MAD1L1: variants seen among roughly 807,000 people sequenced by gnomAD.
MAD1L1 encodes the protein mitotic spindle assembly checkpoint protein MAD1.
MAD1L1 carries 95 observed loss-of-function variants against 96.9 expected under a neutral mutation model. The observed-to-expected ratio is 0.98, with a 90% CI of 0.83 to 1.16. The LOEUF is 1.16. Ranked by LOEUF, MAD1L1 falls within the 50% of genes most tolerant of loss-of-function variation. The pLI is 0.00. For missense variants in MAD1L1, 1,007 were observed against 954.4 expected (o/e 1.06, Z -0.73); for synonymous variants, 473 against 396.6 (o/e 1.19, Z -2.29).
intron 11 of MAD1L1, among the ~76,000 whole-genome samples, chr7:2,102,533 TCAC>T (rs1486101020): frequency 1.4e-5 from 2 of 143,256 alleles, no homozygotes; most frequent in Admixed American, 6.8e-5. Context: ...CACGTCACCA[TCAC>T]CACCACCGTC....
chr7:2,083,846 A>G (rs1785776437), intron 11 of MAD1L1, among the ~76,000 whole-genome samples: 1 of 152,242 alleles, frequency 6.6e-6, no homozygotes, highest in Non-Finnish European at 1.5e-5. Flanking sequence ...CTGGTTGGTC[A>G]CTGTGAGTGT....
intron 17 of MAD1L1, among the ~76,000 whole-genome samples, chr7:1,929,297 C>A (rs1310350636): frequency 6.6e-6 from 1 of 152,202 alleles, no homozygotes; most frequent in Non-Finnish European, 1.5e-5. Context: ...CCCACACAGG[C>A]AGTGACAAAT....
At chr7:2,006,370 A>G (rs899649938) in intron 13 of MAD1L1, among the ~76,000 whole-genome samples, 1 of 152,184 alleles carries the variant, frequency 6.6e-6, no homozygotes, top group African/African-American at 2.4e-5. Flanking sequence ...TGTCAGCCAC[A>G]ATGCGTGCCT....
chr7:1,823,491 C>A (rs189116138), intron 18 of MAD1L1, among the ~76,000 whole-genome samples: 3 of 152,312 alleles, frequency 2.0e-5, no homozygotes, highest in Admixed American at 1.3e-4. Context: ...CGTCTCCCTG[C>A]CCATCTCTCC....
At chr7:1,822,869 T>C (rs1413299808) in intron 18 of MAD1L1, among the ~76,000 whole-genome samples, 5 of 151,976 alleles carry the variant, frequency 3.3e-5, no homozygotes, top group Admixed American at 2.0e-4. Context: ...ATACGGCTCC[T>C]ACGTCAGACA....
At chr7:1,869,459 G>A (rs1164118451) in intron 18 of MAD1L1, among the ~76,000 whole-genome samples, 3 of 152,086 alleles carry the variant, frequency 2.0e-5, no homozygotes, top group African/African-American at 7.2e-5. Flanking sequence ...GCGATGGCCT[G>A]CAAGAGCTCA....
chr7:2,017,642 G>A (rs752976588), intron 12 of MAD1L1, among the ~76,000 whole-genome samples: 4 of 152,216 alleles, frequency 2.6e-5, no homozygotes, highest in Non-Finnish European at 4.4e-5. Flanking sequence ...AGGGAACAGC[G>A]TTGAGTAGGC....
At chr7:1,922,476 A>G (rs1788854469) in intron 17 of MAD1L1, among the ~76,000 whole-genome samples, 1 of 152,256 alleles carries the variant, frequency 6.6e-6, no homozygotes, top group Non-Finnish European at 1.5e-5. Flanking sequence ...TATTTCTCAT[A>G]AAGTGAGCTC....
chr7:2,129,282 G>A (rs978910826), intron 11 of MAD1L1, among the ~76,000 whole-genome samples: 4 of 152,230 alleles, frequency 2.6e-5, no homozygotes, highest in African/African-American at 7.2e-5. Context: ...AGAACAAGAC[G>A]CCTGGAAGAG....
At chr7:1,897,304 A>G (rs60831894) in intron 18 of MAD1L1, among the ~76,000 whole-genome samples, 8,765 of 150,016 alleles carry the variant, frequency 0.058, 587 homozygotes, top group African/African-American at 0.16. Context: ...GACTGCAGGC[A>G]GTTTAGACGC....
At chr7:1,818,373 G>A (rs897622559) in intron 18 of MAD1L1, among the ~76,000 whole-genome samples, 2 of 152,036 alleles carry the variant, frequency 1.3e-5, no homozygotes, top group African/African-American at 2.4e-5. Flanking sequence ...TGGGAGCCTG[G>A]CCGTTCATTT....
At position 2,110,303 on chromosome 7, in the gene MAD1L1, C is replaced by T. The variant is rs531527908; in HGVS notation, c.1073+38849G>A. Among the ~76,000 whole-genome samples the T allele has an allele frequency of 7.8e-4, 119 of 152,344 alleles. 1 individual carries two copies. The East Asian group carries it at 0.018, about 22-fold the overall frequency. On this transcript the variant is annotated intron_variant, in intron 11 of 18. Coordinates refer to ENST00000265854, the MANE Select transcript of MAD1L1 (RefSeq NM_001013836.2). ...GCGCTCACAGCCGTGCCGCCATGCCCCACGCCTCGGTACACAGCAGGCACA... is the reference window on the plus strand; with the variant it reads ...GCGCTCACAGCCGTGCCGCCATGCCTCACGCCTCGGTACACAGCAGGCACA...
chr7:2,094,382 C>T (rs569990602), intron 11 of MAD1L1, among the ~76,000 whole-genome samples: 10 of 152,356 alleles, frequency 6.6e-5, no homozygotes, highest in Non-Finnish European at 1.5e-4. Context: ...GTGTTGGAAC[C>T]TGTTCACAAC....
chr7:1,826,407 C>T (rs1782396530), intron 18 of MAD1L1, among the ~76,000 whole-genome samples: 1 of 152,182 alleles, frequency 6.6e-6, no homozygotes, highest in Admixed American at 6.5e-5. Context: ...CCGCTCATGG[C>T]CTCACTCCCT....
In MAD1L1 at chr7:1,889,162, G is replaced by A. The variant is rs1786379688; in HGVS notation, c.1998+9038C>T. Among the ~76,000 whole-genome samples, 3 of 152,336 alleles carry A rather than the reference G, an allele frequency of 2.0e-5. 1 individual carries two copies. The South Asian group carries it at 6.2e-4, about 32-fold the overall frequency. On this transcript the variant is annotated intron_variant, in intron 18 of 18. Coordinates refer to ENST00000265854, the MANE Select transcript of MAD1L1 (RefSeq NM_001013836.2). ...AAAGGAAGACAAGGCTTGAGGAGGT[G>A]AAGCCATGTGTCCAGGTCCCGGGGC...
At chr7:2,164,230 C>T (rs1790308535) in intron 10 of MAD1L1, among the ~76,000 whole-genome samples, 1 of 152,208 alleles carries the variant, frequency 6.6e-6, no homozygotes, top group Admixed American at 6.5e-5. Context: ...TAAGGTGATT[C>T]TAACATCCTC....
At chr7:1,955,682 C>T (rs533591126) in intron 16 of MAD1L1, among the ~76,000 whole-genome samples, 6 of 152,240 alleles carry the variant, frequency 3.9e-5, no homozygotes, top group South Asian at 2.1e-4. Context: ...TCCCCTAGTG[C>T]GCAGGCCCCT....
chr7:1,990,701 G>A (rs978350921), intron 14 of MAD1L1, among the ~76,000 whole-genome samples: 4 of 152,132 alleles, frequency 2.6e-5, no homozygotes, highest in Non-Finnish European at 4.4e-5. Context: ...CGTGCCCAGG[G>A]CCGCCACTGC....
intron 17 of MAD1L1, among the ~76,000 whole-genome samples, chr7:1,898,954 G>A (rs979822371): frequency 9.2e-5 from 14 of 152,318 alleles, no homozygotes; most frequent in African/African-American, 2.6e-4. Context: ...TACCCCACAG[G>A]AGCCAGCACC....
Sources: allele counts gnomAD v4.1 joint callset (sites outside exome capture counted in the v4.1 genomes callset), GRCh38; gene constraint gnomAD v4.1.1; transcripts MANE v1.5; gene names NCBI Gene and HGNC (gene_info 2026-07-23, HGNC 2026-07-21).